Variants in KIR3DL2 observed in about 807,000 individuals in gnomAD.
KIR3DL2 encodes killer cell immunoglobulin like receptor, three Ig domains and long cytoplasmic tail 2.
Under a neutral mutation model 41.6 loss-of-function variants are expected in KIR3DL2, and 42 were observed. That is an observed-to-expected ratio of 1.01 (90% CI 0.79 to 1.31). The LOEUF is 1.31. Ranked by LOEUF, KIR3DL2 falls within the 50% of genes most tolerant of loss-of-function variation. The pLI is 0.00. For missense variants in KIR3DL2, 728 were observed against 576.8 expected (o/e 1.26, Z -2.68); for synonymous variants, 230 against 221.3 (o/e 1.04, Z -0.35).
In KIR3DL2 at chr19:54,853,734, C is replaced by G. The variant is rs1361525472; in HGVS notation, c.356-13C>G. 1 of 1,607,324 alleles carries G rather than the reference C, an allele frequency of 6.2e-7. No homozygotes were observed. The highest frequency in any genetic ancestry group is 1.3e-5 in the African/African-American group (1 of 74,160). On this transcript the variant is annotated splice_polypyrimidine_tract_variant and intron_variant, in intron 3 of 8. Transcript: ENST00000326321. ...AGAGAGATGCCTTCTAAACTCACAACTTCTCTTTCTAGGAAACCACAGAAA... is the reference window on the plus strand; with the variant it reads ...AGAGAGATGCCTTCTAAACTCACAAGTTCTCTTTCTAGGAAACCACAGAAA...
rs867143578 is a variant in KIR3DL2, at chr19:54,856,431, G to A, written c.949+519G>A. Among the ~76,000 whole-genome samples, 415 of 151,784 alleles carry A rather than the reference G, an allele frequency of 2.7e-3. 15 individuals carry two copies. The highest frequency in any genetic ancestry group is 9.3e-3 in the African/African-American group (385 of 41,182). Reference sequence around the variant, plus strand: ...TGTGGTGGTTCACGGTTGTAATCTTGGCGCTTTGAGAGGCCAAGAAAGGTG... The same window carrying A: ...TGTGGTGGTTCACGGTTGTAATCTTAGCGCTTTGAGAGGCCAAGAAAGGTG... On this transcript the variant is annotated intron_variant, in intron 5 of 8. Coordinates refer to ENST00000326321, the MANE Select transcript of KIR3DL2 (RefSeq NM_006737.4).
chr19:54,851,308 T>C (rs765380127), intron 2 of KIR3DL2, 53 bp downstream of exon 2: 10 of 1,576,504 alleles, frequency 6.3e-6, no homozygotes, highest in Non-Finnish European at 8.7e-6. Flanking sequence ...AGAGGATTTT[T>C]CTGAAACAGG....
chr19:54,856,156 C>A (rs1211559545), intron 5 of KIR3DL2, among the ~76,000 whole-genome samples: 1 of 151,370 alleles, frequency 6.6e-6, no homozygotes. Context: ...CAGGACAGAC[C>A]CAGAGAAGGG....
intron 7 of KIR3DL2, 89 bp from the exon 8 acceptor site, chr19:54,866,281 C>A: frequency 7.3e-7 from 1 of 1,374,244 alleles, no homozygotes. Context: ...CAGGCACCTA[C>A]AGCCTCCCCC....
chr19:54,861,190 A>C (rs1381581398), intron 6 of KIR3DL2, among the ~76,000 whole-genome samples: 1 of 145,568 alleles, frequency 6.9e-6, no homozygotes, highest in Non-Finnish European at 1.5e-5. Context: ...TGTGAGGTAG[A>C]ATCATTGGCT....
Position 54,852,198 on chromosome 19 carries a change from G to A in KIR3DL2, c.271G>A (p.Gly91Arg). ...GGGCCCTGTGACCCCAGCACATGCA[G>A]GGACCTACAGATGTCGGGGTTCACG... ...IMGPVTPAHA[G>R]TYRCRGSRPH... The change falls in exon 3 of 9, where the codon GGG becomes AGG. Residue 91 changes from glycine to arginine, a missense_variant. Physicochemically the swap from Gly to Arg is moderately radical, Grantham distance 125. Transcript: ENST00000326321. 6.2e-7 allele frequency: 1 copy of A among 1,612,454 alleles called. No homozygotes were observed. The highest frequency in any genetic ancestry group is 8.5e-7 in the Non-Finnish European group (1 of 1,179,302).
intron 4 of KIR3DL2, among the ~76,000 whole-genome samples, chr19:54,854,746 C>T (rs377756939): frequency 4.0e-5 from 6 of 150,946 alleles, no homozygotes; most frequent in Non-Finnish European, 8.8e-5. Flanking sequence ...CACAGACACA[C>T]AAAAAGAAAG....
At chr19:54,852,608 C>T (rs1360037086) in intron 3 of KIR3DL2, among the ~76,000 whole-genome samples, 1 of 151,446 alleles carries the variant, frequency 6.6e-6, no homozygotes, top group African/African-American at 2.4e-5. Context: ...CACAAGGGTC[C>T]GCGTGAGAGG....
At chr19:54,854,443 G>T (rs1361629528) in intron 4 of KIR3DL2, among the ~76,000 whole-genome samples, 1 of 151,806 alleles carries the variant, frequency 6.6e-6, no homozygotes, top group East Asian at 1.9e-4. Context: ...TTTCTGACCT[G>T]AGTTGGGCCC....
chr19:54,863,574 T>A (rs1038493348), intron 6 of KIR3DL2, among the ~76,000 whole-genome samples: 2 of 152,144 alleles, frequency 1.3e-5, no homozygotes, highest in African/African-American at 2.4e-5. Context: ...GGTATCTCAT[T>A]GTGGTTTTGA....
rs618758 is a variant in KIR3DL2 at position 54,852,783 on chromosome 19, G to A, written c.355+501G>A. ...GATTTGCTGAGTCTCCAGAGGGAAC[G>A]CAGCCCTGCAGATGCCTTGATTTCA... On this transcript the variant is annotated intron_variant, in intron 3 of 8. Coordinates refer to ENST00000326321, the MANE Select transcript of KIR3DL2 (RefSeq NM_006737.4). Among the ~76,000 whole-genome samples, 37 of 150,680 alleles carry A rather than the reference G, an allele frequency of 2.5e-4. 2 individuals are homozygous for A. In the South Asian group the frequency reaches 7.1e-3, roughly 29 times the overall value.
At chr19:54,851,121 CAG>C in intron 1 of KIR3DL2, 97 bp from the exon 2 acceptor site, 1 of 1,471,596 alleles carries the variant, frequency 6.8e-7, no homozygotes, top group Middle Eastern at 1.8e-4. Context: ...ACCTTCAGCC[CAG>C]CAAGGGCCTG....
In KIR3DL2 at chr19:54,866,419, G is replaced by A. The variant is rs773539528; in HGVS notation, c.1155G>A (p.Arg385=). ...CTGCGGGGGACAGAACAGTGAATAG[G>A]CAGGTAGGTCCTCCTCGGCCCAGCC... ...QEPAGDRTVN[R]QDSDEQDPQE... Residue 385 remains arginine, a synonymous_variant, in exon 8 of 9, where the codon AGG becomes AGA. Transcript: ENST00000326321. 14 of 1,613,842 alleles carry A rather than the reference G, an allele frequency of 8.7e-6. No individual in the cohort carries two copies. The highest frequency in any genetic ancestry group is 1.3e-5 in the African/African-American group (1 of 74,892).
intron 6 of KIR3DL2, among the ~76,000 whole-genome samples, chr19:54,861,000 T>C (rs34556293): frequency 0.24 from 26,883 of 112,532 alleles, 1,575 homozygotes; most frequent in East Asian, 0.28. Context: ...AGCCATTGGA[T>C]TCACCTCGAG....
At position 54,866,397 on chromosome 19, in the gene KIR3DL2, C is replaced by T. The variant is rs1556696326; in HGVS notation, c.1133C>T (p.Ala378Val). 10 of 1,613,810 alleles carry T rather than the reference C, an allele frequency of 6.2e-6. No individual in the cohort carries two copies. Among genetic ancestry groups the T allele is most frequent in the Middle Eastern group, 1.6e-4 (1 of 6,084 alleles). ...GCTGCTGTAATGGACCAAGAGCCTGCGGGGGACAGAACAGTGAATAGGCAG... is the reference window on the plus strand; with the variant it reads ...GCTGCTGTAATGGACCAAGAGCCTGTGGGGGACAGAACAGTGAATAGGCAG... The part of the protein sequence containing the change: ...KNAAVMDQEP[A>V]GDRTVNRQDS... The change falls in exon 8 of 9, where the codon GCG becomes GTG. Residue 378 changes from alanine to valine, a missense_variant. Physicochemically the swap from Ala to Val is moderately conservative, Grantham distance 64 (BLOSUM62 0). Coordinates refer to ENST00000326321, the MANE Select transcript of KIR3DL2 (RefSeq NM_006737.4).
Position 54,866,923 on chromosome 19 carries a change from CCCA to C in KIR3DL2, c.*194_*196del. ...AGAGAAAACACACTCCTTTGCTTAG[CCCA>C]CAAGTATCTATTTCACTTGACCCCT... On this transcript the variant is annotated 3_prime_UTR_variant, in exon 9 of 9. Transcript: ENST00000326321. 2 of 670,004 alleles carry C rather than the reference CCCA, an allele frequency of 3.0e-6. No homozygotes were observed. Among genetic ancestry groups the C allele is most frequent in the Non-Finnish European group, 5.0e-6 (2 of 398,556 alleles). 41.5% of individuals were successfully genotyped at this position (670,004 alleles called of 1,614,324 possible). A position where few individuals can be genotyped will look rare whatever the true frequency, so the allele number is the denominator to read the frequency against.
Position 54,851,165 on chromosome 19 carries a change from C to G in KIR3DL2, c.35-55C>G, listed in dbSNP as rs1393075028. The G allele has an allele frequency of 8.7e-6, 14 of 1,602,010 alleles. No individual in the cohort carries two copies. The East Asian group carries it at 2.7e-4, about 31-fold the overall frequency. ...AAGACACACAGTGCAGTGGGGGCAG[C>G]AGGGTGCCCTGGTTTGCCTGCAGTT... On this transcript the variant is annotated intron_variant, in intron 1 of 8. Transcript: ENST00000326321.
Position 54,852,029 on chromosome 19 carries a change from G to T in KIR3DL2, c.102G>T (p.Arg34=). 2 of 1,611,424 alleles carry T rather than the reference G, an allele frequency of 1.2e-6. No homozygotes were observed. Among genetic ancestry groups the T allele is most frequent in the Middle Eastern group, 3.3e-4 (2 of 6,044 alleles). Residue 34 remains arginine, a synonymous_variant, in exon 3 of 9, where the codon CGG becomes CGT. Coordinates refer to ENST00000326321, the MANE Select transcript of KIR3DL2 (RefSeq NM_006737.4). The part of the protein sequence containing the change: ...GGQDKPFLSA[R]PSTVVPRGGH... ...AGGACAAACCCTTCCTGTCTGCCCG[G>T]CCCAGCACTGTGGTGCCTCGAGGAG...
Position 54,866,767 on chromosome 19 carries a change from G to T in KIR3DL2, c.*36G>T. On this transcript the variant is annotated 3_prime_UTR_variant, in exon 9 of 9. Transcript: ENST00000326321. ...GCCCTGTCTCAAAACCAGGTTGCCA[G>T]ATCCAATGAACCAGCAGCTGGAATC... is the stretch of plus-strand genomic sequence containing the variant. 6.2e-7 allele frequency: 1 copy of T among 1,605,128 alleles called. No individual in the cohort carries two copies. The highest frequency in any genetic ancestry group is 8.5e-7 in the Non-Finnish European group (1 of 1,173,328).
Sources: allele counts gnomAD v4.1 joint callset (sites outside exome capture counted in the v4.1 genomes callset), GRCh38; gene constraint gnomAD v4.1.1; transcripts MANE v1.5; gene names NCBI Gene and HGNC (gene_info 2026-07-23, HGNC 2026-07-21).